Variants in PARD3 observed in about 807,000 individuals in gnomAD.
The protein encoded by PARD3 is par-3 family cell polarity regulator.
PARD3 carries 75 observed loss-of-function variants against 155.4 expected under a neutral mutation model. The ratio of observed to expected loss-of-function variants is 0.48; its 90% CI spans 0.40 to 0.58. PARD3 has a LOEUF of 0.58. Among genes scored for constraint, PARD3 ranks in the 20% least tolerant of loss-of-function variants. The pLI, the probability that PARD3 is intolerant of heterozygous loss-of-function variation, is 0.00. For synonymous variants in PARD3, 576 were observed against 610.5 expected (o/e 0.94, Z 0.83); for missense variants, 1,642 against 1,721.7 (o/e 0.95, Z 0.82).
chr10:34,618,509 C>A (rs568588416), intron 2 of PARD3, among the ~76,000 whole-genome samples: 1 of 152,040 alleles, frequency 6.6e-6, no homozygotes, highest in Non-Finnish European at 1.5e-5. Context: ...GAGAAAGTGA[C>A]ATCTCCAAAA....
At chr10:34,124,722 T>A (rs7084744) in intron 23 of PARD3, among the ~76,000 whole-genome samples, 249 of 152,254 alleles carry the variant, frequency 1.6e-3, no homozygotes, top group African/African-American at 5.6e-3. Flanking sequence ...TTTTTAGAAA[T>A]GAATGTTTTG....
chr10:34,450,560 C>A, intron 4 of PARD3, 112 bp from the exon 5 acceptor site: 2 of 970,742 alleles, frequency 2.1e-6, no homozygotes, highest in South Asian at 3.4e-5. Flanking sequence ...TTTAAAACAT[C>A]TTTCCAATCC....
intron 19 of PARD3, among the ~76,000 whole-genome samples, chr10:34,327,357 A>C (rs1835135332): frequency 6.6e-6 from 1 of 152,226 alleles, no homozygotes; most frequent in African/African-American, 2.4e-5. Context: ...CTCCACAGGA[A>C]GAATGTAAGT....
At chr10:34,802,459 C>T (rs958088705) in intron 1 of PARD3, among the ~76,000 whole-genome samples, 1 of 152,072 alleles carries the variant, frequency 6.6e-6, no homozygotes, top group East Asian at 1.9e-4. Context: ...ATGAAAGGGG[C>T]ATTGTCTACA....
chr10:34,360,378 G>T (rs934218045), intron 12 of PARD3, 119 bp from the exon 13 acceptor site: 4 of 655,582 alleles, frequency 6.1e-6, no homozygotes, highest in Non-Finnish European at 7.8e-6. Context: ...TTCCATGAAG[G>T]TTCCACAGCA....
At chr10:34,464,117 G>T (rs893831568) in intron 4 of PARD3, among the ~76,000 whole-genome samples, 1 of 116,040 alleles carries the variant, frequency 8.6e-6, no homozygotes, top group African/African-American at 3.9e-5. Flanking sequence ...GAGGTCCTGC[G>T]GGAAAAAAAA....
chr10:34,532,227 C>T (rs967376687), intron 2 of PARD3, among the ~76,000 whole-genome samples: 2 of 152,056 alleles, frequency 1.3e-5, no homozygotes, highest in Admixed American at 1.3e-4. Context: ...TTTACACATT[C>T]ATGACATATA....
chr10:34,124,971 C>A (rs967167422), intron 23 of PARD3, among the ~76,000 whole-genome samples: 9 of 152,136 alleles, frequency 5.9e-5, no homozygotes, highest in African/African-American at 2.2e-4. Context: ...GGACAGGTCA[C>A]AGGGCAGAAT....
intron 7 of PARD3, among the ~76,000 whole-genome samples, chr10:34,392,129 G>A (rs2132095212): frequency 6.6e-6 from 1 of 152,030 alleles, no homozygotes; most frequent in East Asian, 1.9e-4. Context: ...GTGAGACCCT[G>A]TCTCAAAAAA....
At chr10:34,596,449 T>C (rs575654270) in intron 2 of PARD3, among the ~76,000 whole-genome samples, 29 of 152,246 alleles carry the variant, frequency 1.9e-4, no homozygotes, top group Non-Finnish European at 1.0e-4. Flanking sequence ...AAGCTTACAA[T>C]CATGGCGGAA....
intron 22 of PARD3, among the ~76,000 whole-genome samples, chr10:34,152,503 A>G (rs1208737133): frequency 6.6e-6 from 1 of 152,212 alleles, no homozygotes; most frequent in Non-Finnish European, 1.5e-5. Context: ...CAAATGTGGT[A>G]TTATAATCTT....
At chr10:34,426,155 G>T (rs1280180840) in intron 5 of PARD3, among the ~76,000 whole-genome samples, 7 of 152,122 alleles carry the variant, frequency 4.6e-5, no homozygotes, top group African/African-American at 7.2e-5. Context: ...TTTTTAAATT[G>T]TATCTCTATC....
At chr10:34,189,481 G>C (rs939177315) in intron 22 of PARD3, among the ~76,000 whole-genome samples, 2 of 152,222 alleles carry the variant, frequency 1.3e-5, no homozygotes, top group African/African-American at 2.4e-5. Flanking sequence ...GTCACCAAAC[G>C]ATACTAGTGG....
intron 5 of PARD3, among the ~76,000 whole-genome samples, chr10:34,406,156 T>A (rs979756502): frequency 2.6e-5 from 4 of 152,174 alleles, no homozygotes; most frequent in African/African-American, 9.6e-5. Context: ...AAATGATCTA[T>A]GATAACAATG....
chr10:34,409,828 G>A (rs1191409914), intron 5 of PARD3, among the ~76,000 whole-genome samples: 1 of 152,142 alleles, frequency 6.6e-6, no homozygotes, highest in African/African-American at 2.4e-5. Flanking sequence ...TGATACAAAT[G>A]TGAAACAAAA....
intron 2 of PARD3, among the ~76,000 whole-genome samples, chr10:34,681,304 G>GA (rs1010565443): frequency 5.9e-5 from 9 of 151,796 alleles, no homozygotes; most frequent in African/African-American, 1.9e-4. Context: ...AGGTTGGAGG[G>GA]AAAAAAAAAG....
chr10:34,558,715 G>C (rs950627145), intron 2 of PARD3, among the ~76,000 whole-genome samples: 13 of 152,184 alleles, frequency 8.5e-5, no homozygotes, highest in Non-Finnish European at 1.6e-4. Flanking sequence ...CAGATCACTT[G>C]AGGTCAGGAA....
chr10:34,396,412 A>G (rs1041482209), intron 7 of PARD3, among the ~76,000 whole-genome samples: 9 of 152,166 alleles, frequency 5.9e-5, no homozygotes, highest in African/African-American at 1.9e-4. Flanking sequence ...GGTCACAATA[A>G]GATCTACATG....
intron 1 of PARD3, among the ~76,000 whole-genome samples, chr10:34,782,879 A>C (rs1840425507): frequency 6.6e-6 from 1 of 152,018 alleles, no homozygotes; most frequent in South Asian, 2.1e-4. Flanking sequence ...GGCATGCACC[A>C]CTACACCCAG....
Sources: gnomAD v4.1 joint callset for allele counts (sites outside exome capture counted in the v4.1 genomes callset) on GRCh38, gnomAD v4.1.1 for gene constraint, MANE v1.5 for transcripts, NCBI Gene and HGNC (gene_info 2026-07-23, HGNC 2026-07-21) for gene names.